TANC1: variants seen among roughly 807,000 people sequenced by gnomAD.
TANC1 encodes the protein protein TANC1.
Under a neutral mutation model 149.7 loss-of-function variants are expected in TANC1, and 77 were observed. The observed-to-expected ratio is 0.51, with a 90% confidence interval of 0.43 to 0.62. The LOEUF is 0.62. Ranked by LOEUF, TANC1 falls within the 20% of genes least tolerant of loss-of-function variation. The pLI, the probability that TANC1 is intolerant of heterozygous loss-of-function variation, is 0.00. For synonymous variants in TANC1, 854 were observed against 925.0 expected (o/e 0.92, Z 1.39); for missense variants, 1,985 against 2,321.8 (o/e 0.85, Z 2.98).
At chr2:159,080,916 G>A (rs1382153404) in intron 3 of TANC1, among the ~76,000 whole-genome samples, 1 of 152,196 alleles carries the variant, frequency 6.6e-6, no homozygotes, top group African/African-American at 2.4e-5. Context: ...GTGGTTGGTT[G>A]GTATGGTATT....
intron 6 of TANC1, 59 bp downstream of exon 6, chr2:159,149,331 A>T (rs2052514083): frequency 6.2e-7 from 1 of 1,608,040 alleles, no homozygotes; most frequent in Non-Finnish European, 8.5e-7. Context: ...CGAAGCAATA[A>T]CCATCTTCTC....
chr2:159,080,086 C>T (rs1368280192), intron 3 of TANC1, among the ~76,000 whole-genome samples: 1 of 152,132 alleles, frequency 6.6e-6, no homozygotes, highest in East Asian at 1.9e-4. Context: ...GCTCTGCAAC[C>T]CCCGGGACAA....
intron 1 of TANC1, among the ~76,000 whole-genome samples, chr2:158,993,763 A>C (rs1347147175): frequency 6.6e-6 from 1 of 151,776 alleles, no homozygotes; most frequent in Non-Finnish European, 1.5e-5. Context: ...TCAACCCTTA[A>C]ATTTTCTTGT....
At chr2:159,065,548 G>A (rs1010028359) in intron 2 of TANC1, among the ~76,000 whole-genome samples, 1 of 151,598 alleles carries the variant, frequency 6.6e-6, no homozygotes, top group Admixed American at 6.6e-5. Context: ...GATGAACTGG[G>A]ATTGGGAAAC....
chr2:159,052,211 A>G (rs962004798), intron 2 of TANC1, among the ~76,000 whole-genome samples: 2 of 150,702 alleles, frequency 1.3e-5, no homozygotes, highest in African/African-American at 4.8e-5. Context: ...CAAATATGAA[A>G]TGTGGCATTT....
chr2:158,974,480 C>A (rs2033371419), intron 1 of TANC1, among the ~76,000 whole-genome samples: 1 of 152,208 alleles, frequency 6.6e-6, no homozygotes, highest in Non-Finnish European at 1.5e-5. Flanking sequence ...GTTACCCAGG[C>A]TGGAGCACAG....
chr2:159,200,340 C>T (rs1189303058), intron 19 of TANC1, among the ~76,000 whole-genome samples: 2 of 152,168 alleles, frequency 1.3e-5, no homozygotes, highest in Non-Finnish European at 2.9e-5. Context: ...TCTTAACAAG[C>T]ATCCCAAGTC....
chr2:159,081,861 C>T (rs767813938), intron 3 of TANC1, among the ~76,000 whole-genome samples: 34 of 152,332 alleles, frequency 2.2e-4, no homozygotes, highest in Non-Finnish European at 3.2e-4. Flanking sequence ...TCCAGCTAAC[C>T]GCTTCCCAAG....
chr2:159,035,029 A>C (rs1236084378), intron 2 of TANC1, among the ~76,000 whole-genome samples: 7 of 152,190 alleles, frequency 4.6e-5, no homozygotes, highest in Admixed American at 6.5e-5. Context: ...ATGAACACAT[A>C]CAGTAGCCTT....
At position 159,177,084 on chromosome 2, in the gene TANC1, A is replaced by T. The variant is rs1328813481; in HGVS notation, c.1902+566A>T. Among the ~76,000 whole-genome samples, 23 of 151,460 alleles carry T rather than the reference A, an allele frequency of 1.5e-4. No homozygotes were observed. In the East Asian group the frequency reaches 4.3e-3, roughly 28 times the overall value. On this transcript the variant is annotated intron_variant, in intron 13 of 26. Transcript: ENST00000263635. ...GCCACCATGCCCAGCTAATTTTTGT[A>T]TTTTTAGTAGAGACGGATTTTCACC...
chr2:159,079,675 T>G (rs2149783837), intron 3 of TANC1, among the ~76,000 whole-genome samples: 1 of 152,202 alleles, frequency 6.6e-6, no homozygotes, highest in South Asian at 2.1e-4. Flanking sequence ...AGGGAAAGGG[T>G]GGGCGGAGTT....
intron 4 of TANC1, among the ~76,000 whole-genome samples, chr2:159,113,141 C>T (rs1459384445): frequency 1.3e-5 from 2 of 151,820 alleles, no homozygotes; most frequent in Non-Finnish European, 2.9e-5. Context: ...CTCTGCCTCA[C>T]CCTGTTGCCT....
intron 16 of TANC1, among the ~76,000 whole-genome samples, chr2:159,189,311 C>T (rs1001114737): frequency 6.6e-6 from 1 of 152,214 alleles, no homozygotes; most frequent in South Asian, 2.1e-4. Context: ...TGACTTACCT[C>T]TGCCCTCATC....
At position 159,084,067 on chromosome 2, in the gene TANC1, T is replaced by C. The variant is rs536267710; in HGVS notation, c.62-13570T>C. On this transcript the variant is annotated intron_variant, in intron 3 of 26. Transcript: ENST00000263635. ...GAGTTCGAGACCATCCTGGCCAACA[T>C]GGCGAAACCCCCTCTCCACTAAAAA... 3.3e-5 allele frequency among the ~76,000 whole-genome samples: 5 copies of C among 152,250 alleles called. No homozygotes were observed. The East Asian group carries it at 7.7e-4, about 24-fold the overall frequency.
intron 13 of TANC1, among the ~76,000 whole-genome samples, chr2:159,178,236 G>A (rs1466363051): frequency 6.6e-6 from 1 of 152,240 alleles, no homozygotes; most frequent in Non-Finnish European, 1.5e-5. Context: ...CAGGTCACCT[G>A]CAGAGTCTCA....
rs80148842 is a variant in TANC1, at chr2:159,213,158, T to A, written c.3245-4339T>A. The stretch of plus-strand genomic sequence containing the variant: ...TTATCTGTTTTTGGGATATCTCCTG[T>A]GTCTGCAGTCTCTCAAAATAATCAA... On this transcript the variant is annotated intron_variant, in intron 19 of 26. Coordinates refer to ENST00000263635, the MANE Select transcript of TANC1 (RefSeq NM_033394.3). 2.8e-3 allele frequency among the ~76,000 whole-genome samples: 430 copies of A among 152,294 alleles called. 7 individuals are homozygous for A. In the East Asian group the frequency reaches 0.044, roughly 15 times the overall value.
intron 2 of TANC1, among the ~76,000 whole-genome samples, chr2:159,053,319 C>A (rs1369191030): frequency 1.3e-5 from 2 of 152,150 alleles, no homozygotes; most frequent in Non-Finnish European, 2.9e-5. Flanking sequence ...TTGTCCTTGC[C>A]CATATGCCCT....
At chr2:159,007,274 G>A (rs35074553) in intron 2 of TANC1, among the ~76,000 whole-genome samples, 1 of 150,092 alleles carries the variant, frequency 6.7e-6, no homozygotes, top group Non-Finnish European at 1.5e-5. Flanking sequence ...AGCCTCCCTA[G>A]TAGCTGGGAT....
At chr2:159,129,000 A>G (rs6724143) in intron 4 of TANC1, among the ~76,000 whole-genome samples, 29,406 of 152,090 alleles carry the variant, frequency 0.19, 2,954 homozygotes, top group Middle Eastern at 0.26. Flanking sequence ...CCACTGTGGA[A>G]TGAAAACCTA....
Sources: gnomAD v4.1 joint callset for allele counts (sites outside exome capture counted in the v4.1 genomes callset) on GRCh38, gnomAD v4.1.1 for gene constraint, MANE v1.5 for transcripts, NCBI Gene and HGNC (gene_info 2026-07-23, HGNC 2026-07-21) for gene names.